Variants in GAS7 observed in about 807,000 individuals in gnomAD.
GAS7 encodes growth arrest-specific protein 7.
In GAS7, 28 loss-of-function variants were observed where a neutral mutation model predicts 71.1. The observed-to-expected ratio is 0.39, with a 90% CI of 0.29 to 0.54. GAS7 has a LOEUF of 0.54. Ranked by LOEUF, GAS7 falls within the 20% of genes least tolerant of loss-of-function variation. GAS7 has a pLI of 0.62. For synonymous variants in GAS7, 258 were observed against 245.8 expected (o/e 1.05, Z -0.46); for missense variants, 436 against 627.8 (o/e 0.69, Z 3.27).
intron 2 of GAS7, among the ~76,000 whole-genome samples, chr17:10,009,439 A>T (rs1304167846): frequency 6.6e-6 from 1 of 152,106 alleles, no homozygotes; most frequent in Admixed American, 6.5e-5. Context: ...CAAGAAATCA[A>T]GAAAATTACT....
At chr17:9,972,272 A>G (rs981438243) in intron 3 of GAS7, among the ~76,000 whole-genome samples, 2 of 152,190 alleles carry the variant, frequency 1.3e-5, no homozygotes, top group East Asian at 3.8e-4. Flanking sequence ...CAGGATTCCA[A>G]CAGCATCAGG....
intron 1 of GAS7, among the ~76,000 whole-genome samples, chr17:10,077,635 G>A (rs573459912): frequency 6.6e-6 from 1 of 152,214 alleles, no homozygotes; most frequent in African/African-American, 2.4e-5. Flanking sequence ...AGAAAACAAC[G>A]GGTTGACTCT....
intron 1 of GAS7, among the ~76,000 whole-genome samples, chr17:10,070,267 T>G (rs1449400924): frequency 6.6e-6 from 1 of 151,114 alleles, no homozygotes; most frequent in Non-Finnish European, 1.5e-5. Flanking sequence ...CACTAAGTCC[T>G]GGGAATCATC....
intron 9 of GAS7, among the ~76,000 whole-genome samples, chr17:9,933,126 C>G (rs1334118820): frequency 6.6e-6 from 1 of 151,966 alleles, no homozygotes; most frequent in African/African-American, 2.4e-5. Flanking sequence ...GAGCTGAGAT[C>G]GCACCACTGC....
intron 2 of GAS7, among the ~76,000 whole-genome samples, chr17:10,006,582 G>C (rs2071542364): frequency 6.6e-6 from 1 of 151,954 alleles, no homozygotes; most frequent in South Asian, 2.1e-4. Context: ...ACCTGCCTCG[G>C]CCTCCCAAAG....
At chr17:10,000,193 T>C (rs547472096) in intron 2 of GAS7, among the ~76,000 whole-genome samples, 1 of 152,204 alleles carries the variant, frequency 6.6e-6, no homozygotes, top group Non-Finnish European at 1.5e-5. Context: ...TGCAAATTTC[T>C]GGGTCTCACC....
intron 2 of GAS7, among the ~76,000 whole-genome samples, chr17:9,982,882 A>C (rs1449959536): frequency 6.6e-6 from 1 of 152,050 alleles, no homozygotes; most frequent in Non-Finnish European, 1.5e-5. Context: ...AAGAAAGCAA[A>C]GAAAGAGAGA....
chr17:10,155,988 G>A (rs748508654), intron 1 of GAS7, among the ~76,000 whole-genome samples: 4 of 152,160 alleles, frequency 2.6e-5, no homozygotes, highest in Non-Finnish European at 4.4e-5. Context: ...CAGGTTCGAA[G>A]GGAATACATT....
chr17:10,055,091 G>T (rs181840283), intron 1 of GAS7, among the ~76,000 whole-genome samples: 1 of 152,294 alleles, frequency 6.6e-6, no homozygotes, highest in East Asian at 1.9e-4. Context: ...AGAAGAGCAG[G>T]AATTTGGGAA....
intron 1 of GAS7, among the ~76,000 whole-genome samples, chr17:10,185,207 G>C (rs2142147494): frequency 6.6e-6 from 1 of 152,250 alleles, no homozygotes; most frequent in South Asian, 2.1e-4. Flanking sequence ...TTACAGGCAT[G>C]AGCCACCCTG....
At chr17:9,997,253 C>CGGGGGGGGGGGGGG (rs371944232) in intron 2 of GAS7, among the ~76,000 whole-genome samples, 2 of 37,114 alleles carry the variant, frequency 5.4e-5, no homozygotes, top group Non-Finnish European at 7.2e-5. Flanking sequence ...CGGGTGGGGG[C>CGGGGGGGGGGGGGG]GGGGGCGGTG....
intron 1 of GAS7, among the ~76,000 whole-genome samples, chr17:10,184,265 C>A (rs982771581): frequency 6.6e-6 from 1 of 152,160 alleles, no homozygotes; most frequent in Non-Finnish European, 1.5e-5. Context: ...CTTAGCCAGG[C>A]TCCTGGCATT....
rs1209394276 is a variant in GAS7 at position 10,017,323 on chromosome 17, CT to C, written c.304+2453del. On this transcript the variant is annotated intron_variant, in intron 2 of 13. Coordinates refer to ENST00000432992, the MANE Select transcript of GAS7 (RefSeq NM_201433.2). The stretch of plus-strand genomic sequence containing the variant: ...ACTTGCCAACGAAAATCATCTTCCA[CT>C]TTTTTTTTTTTTTTTCCTTGAGACA... Among the ~76,000 whole-genome samples the C allele has an allele frequency of 4.3e-3, 607 of 142,022 alleles. 3 individuals are homozygous for C. The highest frequency in any genetic ancestry group is 9.8e-3 in the African/African-American group (384 of 39,046). 93.2% of individuals were successfully genotyped at this position (142,022 alleles called of 152,430 possible). A position where few individuals can be genotyped will look rare whatever the true frequency, so the allele number is the denominator to read the frequency against.
intron 1 of GAS7, among the ~76,000 whole-genome samples, chr17:10,164,133 T>C (rs576633899): frequency 8.9e-4 from 135 of 152,242 alleles, no homozygotes; most frequent in African/African-American, 3.2e-3. Flanking sequence ...TTTTGCACTG[T>C]GCAGCCAGGA....
At chr17:10,044,066 G>A (rs952611287) in intron 1 of GAS7, among the ~76,000 whole-genome samples, 38 of 152,350 alleles carry the variant, frequency 2.5e-4, no homozygotes, top group Middle Eastern at 6.8e-3. Context: ...AGCTGCAGAC[G>A]TCAGTCTACG....
intron 6 of GAS7, among the ~76,000 whole-genome samples, chr17:9,943,739 G>T (rs1225955445): frequency 6.6e-6 from 1 of 152,196 alleles, no homozygotes; most frequent in Admixed American, 6.5e-5. Flanking sequence ...GATCACAGGA[G>T]AGAAAAGTAA....
chr17:10,169,037 G>A (rs2074315754), intron 1 of GAS7, among the ~76,000 whole-genome samples: 1 of 151,284 alleles, frequency 6.6e-6, no homozygotes, highest in South Asian at 2.1e-4. Context: ...AGCACTTTGG[G>A]AGGCCGAGGC....
intron 1 of GAS7, among the ~76,000 whole-genome samples, chr17:10,170,317 C>A (rs981094596): frequency 2.0e-5 from 3 of 152,034 alleles, no homozygotes; most frequent in Admixed American, 1.3e-4. Context: ...TTGGCCCCAC[C>A]CACCCCTCAG....
chr17:10,124,213 A>G (rs928360315), intron 1 of GAS7, among the ~76,000 whole-genome samples: 1 of 152,206 alleles, frequency 6.6e-6, no homozygotes, highest in African/African-American at 2.4e-5. Flanking sequence ...GCACTCAACA[A>G]GAAAAGGCCA....
Sources: gnomAD v4.1 joint callset for allele counts (sites outside exome capture counted in the v4.1 genomes callset) on GRCh38, gnomAD v4.1.1 for gene constraint, MANE v1.5 for transcripts, NCBI Gene and HGNC (gene_info 2026-07-23, HGNC 2026-07-21) for gene names.